Variants in CDH20 observed in about 807,000 individuals in gnomAD.
CDH20 encodes the protein cadherin-20.
CDH20 carries 29 observed loss-of-function variants against 74.2 expected under a neutral mutation model. That is an observed-to-expected ratio of 0.39 (90% CI 0.29 to 0.53). CDH20 has a LOEUF of 0.53. Among genes scored for constraint, CDH20 ranks in the 20% least tolerant of loss-of-function variants. The probability of loss-of-function intolerance (pLI) is 0.69; values close to 1 mark genes in which losing one functional copy is unlikely to be tolerated. For synonymous variants in CDH20, 469 were observed against 405.4 expected, an observed-to-expected ratio of 1.16 and a Z score of -1.88; for missense variants, 988 against 1,048.3, an observed-to-expected ratio of 0.94 and a Z score of 0.79.
chr18:61,552,952 C>T (rs1913485484), intron 11 of CDH20, among the ~76,000 whole-genome samples: 1 of 152,194 alleles, frequency 6.6e-6, no homozygotes, highest in Non-Finnish European at 1.5e-5. Context: ...GAATCCCACC[C>T]TCCTTTCAGT....
chr18:61,507,145 A>G (rs1342397772), intron 5 of CDH20, among the ~76,000 whole-genome samples: 3 of 152,304 alleles, frequency 2.0e-5, no homozygotes, highest in Non-Finnish European at 2.9e-5. Flanking sequence ...ACCCTGTTCT[A>G]CTGAAGCCTT....
chr18:61,386,178 C>T (rs769014526), intron 1 of CDH20, among the ~76,000 whole-genome samples: 12 of 152,158 alleles, frequency 7.9e-5, no homozygotes, highest in Non-Finnish European at 1.5e-4. Context: ...TAGACACTTC[C>T]TATCCTTTGC....
intron 1 of CDH20, among the ~76,000 whole-genome samples, chr18:61,428,246 C>A (rs1020853855): frequency 1.2e-4 from 19 of 152,118 alleles, no homozygotes; most frequent in African/African-American, 4.6e-4. Context: ...ATGGAATCTG[C>A]AATCAAGTAA....
intron 1 of CDH20, among the ~76,000 whole-genome samples, chr18:61,392,862 G>A (rs372458847): frequency 2.0e-5 from 3 of 150,782 alleles, no homozygotes; most frequent in African/African-American, 7.3e-5. Context: ...TTTTTTCCTA[G>A]TATATTTGTC....
At chr18:61,486,241 T>A (rs1323492614) in intron 1 of CDH20, among the ~76,000 whole-genome samples, 1 of 152,182 alleles carries the variant, frequency 6.6e-6, no homozygotes, top group Non-Finnish European at 1.5e-5. Flanking sequence ...CCAAGACAGA[T>A]CCCTAGTGAT....
At chr18:61,442,071 A>G (rs534802294) in intron 1 of CDH20, among the ~76,000 whole-genome samples, 1 of 152,274 alleles carries the variant, frequency 6.6e-6, no homozygotes, top group Non-Finnish European at 1.5e-5. Context: ...AATGCAAAAC[A>G]AAACCCAAAT....
intron 1 of CDH20, among the ~76,000 whole-genome samples, chr18:61,469,968 T>C (rs1467025172): frequency 1.3e-5 from 2 of 152,234 alleles, no homozygotes; most frequent in Non-Finnish European, 2.9e-5. Context: ...CTTTCCCCTA[T>C]ATGTTCAGAT....
chr18:61,538,878 C>G, intron 8 of CDH20, 146 bp from the exon 9 acceptor site: 1 of 759,090 alleles, frequency 1.3e-6, no homozygotes, highest in Non-Finnish European at 2.2e-6. Context: ...GTGATCCTCC[C>G]GCCTCGGCCT....
chr18:61,451,785 TTGAC>T (rs1400981422), intron 1 of CDH20, among the ~76,000 whole-genome samples: 2 of 152,018 alleles, frequency 1.3e-5, no homozygotes, highest in Middle Eastern at 3.2e-3. Context: ...GGAGAATCAG[TTGAC>T]TGAAAAGTTT....
chr18:61,375,664 G>A (rs952229414), intron 1 of CDH20, among the ~76,000 whole-genome samples: 1 of 152,032 alleles, frequency 6.6e-6, no homozygotes, highest in Non-Finnish European at 1.5e-5. Context: ...ATCCTTTAAA[G>A]ACCAACTCAA....
intron 7 of CDH20, among the ~76,000 whole-genome samples, chr18:61,530,683 T>G (rs908053449): frequency 3.3e-5 from 5 of 152,198 alleles, no homozygotes; most frequent in Non-Finnish European, 5.9e-5. Flanking sequence ...TTAGTGATAT[T>G]TACATGAAAA....
chr18:61,540,606 G>A (rs375275499), intron 9 of CDH20, among the ~76,000 whole-genome samples: 2 of 152,212 alleles, frequency 1.3e-5, no homozygotes, highest in South Asian at 2.1e-4. Flanking sequence ...AACTGCCCCC[G>A]CAATTCAATT....
chr18:61,397,127 AG>A (rs1231213748), intron 1 of CDH20, among the ~76,000 whole-genome samples: 3 of 152,178 alleles, frequency 2.0e-5, no homozygotes, highest in Admixed American at 2.0e-4. Flanking sequence ...CTAGGATATA[AG>A]AAACAGATTG....
At position 61,412,061 on chromosome 18, in the gene CDH20, A is replaced by C. The variant is rs573155291; in HGVS notation, c.-153+78234A>C. The stretch of plus-strand genomic sequence containing the variant: ...AAAATGAAGAAAACACATTTATGGC[A>C]AAAAAAAAGCACTATAAGTAAAATT... On this transcript the variant is annotated intron_variant, in intron 1 of 11. Transcript: ENST00000262717. Among the ~76,000 whole-genome samples, 7 of 145,978 alleles carry C rather than the reference A, an allele frequency of 4.8e-5. No individual in the cohort carries two copies. In the South Asian group the frequency reaches 1.3e-3, roughly 27 times the overall value.
At chr18:61,372,334 TC>T (rs1911071726) in intron 1 of CDH20, among the ~76,000 whole-genome samples, 1 of 152,132 alleles carries the variant, frequency 6.6e-6, no homozygotes, top group South Asian at 2.1e-4. Context: ...TGTCTATTGA[TC>T]CTTTCAAATG....
chr18:61,536,216 A>C (rs1912812549), intron 7 of CDH20, among the ~76,000 whole-genome samples: 1 of 152,184 alleles, frequency 6.6e-6, no homozygotes, highest in South Asian at 2.1e-4. Context: ...CGTAGCATAA[A>C]CCATATTTAA....
At chr18:61,477,277 T>C (rs1381882207) in intron 1 of CDH20, among the ~76,000 whole-genome samples, 1 of 152,216 alleles carries the variant, frequency 6.6e-6, no homozygotes, top group African/African-American at 2.4e-5. Flanking sequence ...CTCAGGCTGA[T>C]AAACAACACC....
At chr18:61,524,303 G>A (rs1472573561) in intron 6 of CDH20, among the ~76,000 whole-genome samples, 1 of 152,168 alleles carries the variant, frequency 6.6e-6, no homozygotes, top group African/African-American at 2.4e-5. Flanking sequence ...AAAACCAAGG[G>A]CTGACAAAGA....
chr18:61,498,068 T>C (rs907996863), intron 2 of CDH20, among the ~76,000 whole-genome samples: 1 of 152,202 alleles, frequency 6.6e-6, no homozygotes, highest in African/African-American at 2.4e-5. Context: ...CCTGAGATTT[T>C]AAAAATATAG....
Sources: gnomAD v4.1 joint callset for allele counts (sites outside exome capture counted in the v4.1 genomes callset) on GRCh38, gnomAD v4.1.1 for gene constraint, MANE v1.5 for transcripts, NCBI Gene and HGNC (gene_info 2026-07-23, HGNC 2026-07-21) for gene names.